HCRTR2: variants seen among roughly 807,000 people sequenced by gnomAD.
The protein encoded by HCRTR2 is orexin receptor type 2.
Under a neutral mutation model 49.0 loss-of-function variants are expected in HCRTR2, and 22 were observed. The ratio of observed to expected loss-of-function variants is 0.45; its 90% CI spans 0.32 to 0.64. HCRTR2 has a LOEUF of 0.64. HCRTR2 is among the 30% of genes least tolerant of loss of function. HCRTR2 has a pLI of 0.04. For missense variants in HCRTR2, 491 were observed against 559.4 expected (o/e 0.88, Z 1.23); for synonymous variants, 236 against 205.3 (o/e 1.15, Z -1.28).
chr6:55,150,752 T>C lies in HCRTR2; in HGVS notation c.-377-23459T>C, dbSNP rs193169073. 5.7e-3 allele frequency among the ~76,000 whole-genome samples: 874 copies of C among 152,136 alleles called. 9 individuals are homozygous for C. Among genetic ancestry groups the C allele is most frequent in the Non-Finnish European group, 7.9e-3 (537 of 67,898 alleles). On this transcript the variant is annotated intron_variant, in intron 1 of 7. Transcript: ENST00000615358. ...ATTTTTCTATTGATGGAAATGGAGGTTGCTTCCATGCTTTTGATATTATAA... is the reference window on the plus strand; with the variant it reads ...ATTTTTCTATTGATGGAAATGGAGGCTGCTTCCATGCTTTTGATATTATAA...
chr6:55,233,723 C>T (rs1282990687), intron 1 of HCRTR2, among the ~76,000 whole-genome samples: 1 of 130,530 alleles, frequency 7.7e-6, no homozygotes, highest in Non-Finnish European at 1.8e-5. Context: ...TAAATAAAGT[C>T]TGGACAAGCC....
chr6:55,175,621 G>T (rs967942577), intron 1 of HCRTR2, among the ~76,000 whole-genome samples: 1 of 151,892 alleles, frequency 6.6e-6, no homozygotes, highest in Non-Finnish European at 1.5e-5. Context: ...TAAGCTTAAT[G>T]CTAGGCTATT....
intron 1 of HCRTR2, among the ~76,000 whole-genome samples, chr6:55,129,332 A>G (rs888391604): frequency 1.3e-5 from 2 of 152,074 alleles, no homozygotes; most frequent in African/African-American, 4.8e-5. Flanking sequence ...AAATGTGCCA[A>G]CTTCCTTAAT....
intron 1 of HCRTR2, among the ~76,000 whole-genome samples, chr6:55,185,265 G>A (rs1259315260): frequency 6.6e-6 from 1 of 152,090 alleles, no homozygotes; most frequent in Non-Finnish European, 1.5e-5. Flanking sequence ...TATGTGTTTG[G>A]GCTTGATTTA....
chr6:55,142,873 G>T (rs1484655233), intron 1 of HCRTR2, among the ~76,000 whole-genome samples: 1 of 151,864 alleles, frequency 6.6e-6, no homozygotes, highest in African/African-American at 2.4e-5. Context: ...AAAATTTAGG[G>T]TGAAGAAATA....
chr6:55,267,613 C>T (rs949913473), intron 4 of HCRTR2, among the ~76,000 whole-genome samples: 1 of 152,004 alleles, frequency 6.6e-6, no homozygotes, highest in Admixed American at 6.6e-5. Context: ...TTATTAAGCA[C>T]GTACTCTGTG....
At chr6:55,200,264 TG>T (rs1333671231) in intron 1 of HCRTR2, among the ~76,000 whole-genome samples, 11 of 151,246 alleles carry the variant, frequency 7.3e-5, no homozygotes, top group African/African-American at 2.2e-4. Context: ...TGTGTGTGTG[TG>T]TGTGTGTGTG....
chr6:55,229,507 G>T (rs1766074123), intron 1 of HCRTR2, among the ~76,000 whole-genome samples: 1 of 152,066 alleles, frequency 6.6e-6, no homozygotes. Flanking sequence ...TGGATTAATG[G>T]GTAAAGAAAA....
intron 1 of HCRTR2, among the ~76,000 whole-genome samples, chr6:55,184,638 TG>T (rs1765187182): frequency 2.0e-5 from 3 of 152,296 alleles, no homozygotes; most frequent in Admixed American, 2.0e-4. Flanking sequence ...GGAATTTCCG[TG>T]AATATTTCCC....
chr6:55,153,497 G>A (rs779513463), intron 1 of HCRTR2, among the ~76,000 whole-genome samples: 3 of 151,932 alleles, frequency 2.0e-5, no homozygotes, highest in Non-Finnish European at 4.4e-5. Flanking sequence ...TAAAAATATT[G>A]CATCATACTC....
At chr6:55,177,523 C>T (rs1165839267) in intron 1 of HCRTR2, among the ~76,000 whole-genome samples, 1 of 152,052 alleles carries the variant, frequency 6.6e-6, no homozygotes, top group Non-Finnish European at 1.5e-5. Context: ...AATAAAGATG[C>T]AATATTAAGT....
intron 1 of HCRTR2, among the ~76,000 whole-genome samples, chr6:55,175,637 C>A (rs1423775767): frequency 6.6e-6 from 1 of 152,004 alleles, no homozygotes; most frequent in Non-Finnish European, 1.5e-5. Flanking sequence ...CTATTTGTCC[C>A]GGTCTAGGTC....
intron 4 of HCRTR2, 85 bp downstream of exon 4, chr6:55,263,907 C>CT (rs529201000): frequency 3.1e-4 from 266 of 861,324 alleles, no homozygotes; most frequent in Middle Eastern, 4.3e-4. Context: ...TTTGTCTGTG[C>CT]TTTTTTTTTA....
chr6:55,136,552 T>C (rs1764436556), intron 1 of HCRTR2, among the ~76,000 whole-genome samples: 1 of 152,208 alleles, frequency 6.6e-6, no homozygotes. Flanking sequence ...GTACACTGTG[T>C]AATTTGATTT....
At chr6:55,215,988 C>A (rs1299842871) in intron 1 of HCRTR2, among the ~76,000 whole-genome samples, 3 of 152,208 alleles carry the variant, frequency 2.0e-5, no homozygotes, top group African/African-American at 7.2e-5. Context: ...CTTCTTATTG[C>A]ATCATAACAT....
chr6:55,245,262 C>T (rs557029023), intron 1 of HCRTR2, among the ~76,000 whole-genome samples: 2 of 151,016 alleles, frequency 1.3e-5, no homozygotes, highest in South Asian at 4.2e-4. Flanking sequence ...TCAAATGTAT[C>T]CAGTTGTCCC....
chr6:55,277,257 C>A, intron 4 of HCRTR2, 123 bp from the exon 5 acceptor site: 1 of 761,798 alleles, frequency 1.3e-6, no homozygotes, highest in South Asian at 1.5e-5. Flanking sequence ...GAGAAACAGG[C>A]GCTCAAACCT....
chr6:55,109,839 C>A (rs1397914353), intron 1 of HCRTR2, among the ~76,000 whole-genome samples: 2 of 151,948 alleles, frequency 1.3e-5, no homozygotes, highest in Non-Finnish European at 2.9e-5. Context: ...GTGCTAGAGA[C>A]CTAAACATTC....
At chr6:55,127,199 G>T (rs895061557) in intron 1 of HCRTR2, among the ~76,000 whole-genome samples, 2 of 152,120 alleles carry the variant, frequency 1.3e-5, no homozygotes, top group African/African-American at 4.8e-5. Context: ...GGCCCTGGTG[G>T]GGTAGGCACC....
Sources: allele counts gnomAD v4.1 joint callset (sites outside exome capture counted in the v4.1 genomes callset), GRCh38; gene constraint gnomAD v4.1.1; transcripts MANE v1.5; gene names NCBI Gene and HGNC (gene_info 2026-07-23, HGNC 2026-07-21).